Variants in ZC4H2 observed in about 807,000 individuals in gnomAD.
The protein encoded by ZC4H2 is zinc finger C4H2-type containing, also known as zinc finger C4H2 domain-containing protein.
For missense variants in ZC4H2, 137 were observed against 173.9 expected (o/e 0.79, Z 1.19); for synonymous variants, 84 against 66.3 (o/e 1.27, Z -1.30).
chrX:64,976,042 G>T (rs1020360214), intron 1 of ZC4H2, among the ~76,000 whole-genome samples: 15 of 111,644 alleles, frequency 1.3e-4, no homozygotes, highest in Non-Finnish European at 3.8e-5. Context: ...TAAAAAACGT[G>T]TCCATGAATG....
intron 1 of ZC4H2, among the ~76,000 whole-genome samples, chrX:64,970,774 G>A (rs1931756411): frequency 8.9e-6 from 1 of 111,943 alleles, no homozygotes; most frequent in Non-Finnish European, 1.9e-5. Context: ...ATCTGCAGAG[G>A]CAAAGGTCTG....
intron 1 of ZC4H2, among the ~76,000 whole-genome samples, chrX:65,024,095 G>A (rs759450745): frequency 1.0e-3 from 115 of 109,828 alleles, no homozygotes; most frequent in Non-Finnish European, 1.7e-3. Context: ...AGTACACACC[G>A]GGGCCTATCG....
chrX:64,977,747 C>T (rs182138706), upstream of ZC4H2, among the ~76,000 whole-genome samples: 83 of 111,769 alleles, frequency 7.4e-4, 1 homozygote, highest in East Asian at 0.021. Context: ...GCAATCCACC[C>T]GCCTCAGCCT....
At chrX:65,025,145 CTTTTTTTT>C (rs1177199868) in intron 1 of ZC4H2, among the ~76,000 whole-genome samples, 1 of 73,729 alleles carries the variant, frequency 1.4e-5, no homozygotes, top group East Asian at 3.9e-4. Flanking sequence ...TTGTTTTTTG[CTTTTTTTT>C]TTTTTTTTTT....
At chrX:65,014,828 G>T (rs1932786847) in intron 1 of ZC4H2, among the ~76,000 whole-genome samples, 1 of 112,152 alleles carries the variant, frequency 8.9e-6, no homozygotes, top group African/African-American at 3.2e-5. Context: ...TCAGTAGCAT[G>T]AAATTGCACA....
At chrX:64,976,541 A>C, upstream of ZC4H2, 1 of 509,459 alleles carries the variant, frequency 2.0e-6, no homozygotes, top group Non-Finnish European at 3.3e-6. Flanking sequence ...AGGGCCAGCC[A>C]GGAAGCCCGG....
chrX:65,023,834 T>G (rs1420586431), intron 1 of ZC4H2, among the ~76,000 whole-genome samples: 2 of 111,485 alleles, frequency 1.8e-5, no homozygotes, highest in African/African-American at 3.3e-5. Flanking sequence ...CTGTTCACAA[T>G]AGCAAAGACC....
chrX:64,974,851 A>C (rs954923682), intron 1 of ZC4H2, among the ~76,000 whole-genome samples: 1 of 108,234 alleles, frequency 9.2e-6, no homozygotes, highest in African/African-American at 3.4e-5. Flanking sequence ...AAGCTTGGTG[A>C]GAGTGGAAGT....
At chrX:64,918,913 G>C in intron 4 of ZC4H2, 129 bp downstream of exon 4, 1 of 852,601 alleles carries the variant, frequency 1.2e-6, no homozygotes, top group Non-Finnish European at 1.6e-6. Context: ...CCCTTCCACT[G>C]TGTCACAAGC....
chrX:65,008,521 A>G (rs1932705240), intron 1 of ZC4H2, among the ~76,000 whole-genome samples: 1 of 112,615 alleles, frequency 8.9e-6, no homozygotes, highest in African/African-American at 3.2e-5. Flanking sequence ...TCCCATGTTT[A>G]CTGGAGCACT....
intron 1 of ZC4H2, among the ~76,000 whole-genome samples, chrX:64,973,760 A>G (rs1315322382): frequency 2.7e-5 from 3 of 111,713 alleles, no homozygotes; most frequent in Non-Finnish European, 5.6e-5. Flanking sequence ...TATTGGACAT[A>G]GATTTATGGG....
intron 1 of ZC4H2, among the ~76,000 whole-genome samples, chrX:64,942,847 G>A (rs1240341498): frequency 1.8e-5 from 2 of 111,951 alleles, no homozygotes; most frequent in African/African-American, 6.5e-5. Context: ...TATATACCCA[G>A]TAATGGGATT....
At chrX:64,936,161 G>A (rs745479201) in intron 1 of ZC4H2, among the ~76,000 whole-genome samples, 7 of 109,321 alleles carry the variant, frequency 6.4e-5, no homozygotes. Context: ...CCAAGCAGAA[G>A]AAAGTATATC....
upstream of ZC4H2, chrX:64,976,491 AG>A (rs1275062200): frequency 1.2e-6 from 1 of 821,718 alleles, no homozygotes; most frequent in African/African-American, 2.0e-5. Context: ...CCTGTGCGGT[AG>A]GGGCTTGGAG....
At chrX:64,984,723 C>CT (rs1932146687) in intron 1 of ZC4H2, among the ~76,000 whole-genome samples, 1 of 112,028 alleles carries the variant, frequency 8.9e-6, no homozygotes, top group South Asian at 3.7e-4. Context: ...CTTGTGGCTA[C>CT]TTTGTTAGTT....
intron 1 of ZC4H2, among the ~76,000 whole-genome samples, chrX:65,006,190 C>A (rs1932654820): frequency 9.0e-6 from 1 of 111,369 alleles, no homozygotes; most frequent in African/African-American, 3.3e-5. Flanking sequence ...ACTGTTTCAC[C>A]CAGCAATTCC....
At chrX:64,983,000 A>T (rs1932113250) in intron 1 of ZC4H2, among the ~76,000 whole-genome samples, 1 of 111,800 alleles carries the variant, frequency 8.9e-6, no homozygotes, top group Non-Finnish European at 1.9e-5. Flanking sequence ...GGGAAGGCAG[A>T]TGTCCTCTCC....
At chrX:64,983,922 G>A (rs1932129797) in intron 1 of ZC4H2, among the ~76,000 whole-genome samples, 1 of 111,711 alleles carries the variant, frequency 9.0e-6, no homozygotes, top group African/African-American at 3.2e-5. Flanking sequence ...ACGTTTATTA[G>A]TAACCTCCTT....
At chrX:64,978,456 G>A (rs1932014068), upstream of ZC4H2, among the ~76,000 whole-genome samples, 1 of 111,910 alleles carries the variant, frequency 8.9e-6, no homozygotes, top group Non-Finnish European at 1.9e-5. Flanking sequence ...GCCAAGAACT[G>A]GCCCCAGCTC....
Sources: allele counts gnomAD v4.1 joint callset (sites outside exome capture counted in the v4.1 genomes callset), GRCh38; gene constraint gnomAD v4.1.1; transcripts MANE v1.5; gene names NCBI Gene and HGNC (gene_info 2026-07-23, HGNC 2026-07-21).